Variants in SH2D4A observed in about 807,000 individuals in gnomAD.
SH2D4A encodes SH2 domain containing 4A, also known as SH2 domain-containing protein 4A.
SH2D4A carries 70 observed loss-of-function variants against 64.7 expected under a neutral mutation model. That is an observed-to-expected ratio of 1.08 (90% CI 0.89 to 1.32). The LOEUF is 1.32. Ranked by LOEUF, SH2D4A falls within the 40% of genes most tolerant of loss-of-function variation. The pLI, the probability that SH2D4A is intolerant of heterozygous loss-of-function variation, is 0.00. For synonymous variants in SH2D4A, 268 were observed against 200.7 expected, an observed-to-expected ratio of 1.34 and a Z score of -2.83; for missense variants, 706 against 540.1, an observed-to-expected ratio of 1.31 and a Z score of -3.04.
At chr8:19,376,129 T>C (rs2153650442) in intron 8 of SH2D4A, among the ~76,000 whole-genome samples, 1 of 152,160 alleles carries the variant, frequency 6.6e-6, no homozygotes, top group African/African-American at 2.4e-5. Context: ...GCTTGGTAAG[T>C]CCCAAATCTG....
At chr8:19,357,501 A>G (rs536572291) in intron 5 of SH2D4A, among the ~76,000 whole-genome samples, 9 of 152,340 alleles carry the variant, frequency 5.9e-5, no homozygotes, top group African/African-American at 2.2e-4. Flanking sequence ...AAGTTGTATT[A>G]GCTAAACTCC....
At chr8:19,353,683 T>TG (rs1334848325) in intron 4 of SH2D4A, among the ~76,000 whole-genome samples, 2 of 146,432 alleles carry the variant, frequency 1.4e-5, no homozygotes, top group African/African-American at 5.1e-5. Context: ...TGTTTTTTTT[T>TG]TTTTTTTTTT....
At chr8:19,347,360 C>G (rs1208178241) in intron 4 of SH2D4A, among the ~76,000 whole-genome samples, 1 of 152,176 alleles carries the variant, frequency 6.6e-6, no homozygotes, top group Non-Finnish European at 1.5e-5. Context: ...CCGACTCACC[C>G]TACCTAGGGG....
chr8:19,326,775 C>G (rs1026213452), intron 2 of SH2D4A, among the ~76,000 whole-genome samples: 6 of 152,218 alleles, frequency 3.9e-5, no homozygotes, highest in African/African-American at 1.4e-4. Context: ...GGGGTGGAGA[C>G]CAAGAGCTGA....
intron 8 of SH2D4A, among the ~76,000 whole-genome samples, chr8:19,374,241 G>A (rs559633553): frequency 3.3e-5 from 5 of 152,144 alleles, no homozygotes; most frequent in South Asian, 4.1e-4. Flanking sequence ...ATATCAGCTA[G>A]TAAACATTTT....
At chr8:19,378,704 G>A (rs1024604873) in intron 8 of SH2D4A, among the ~76,000 whole-genome samples, 1 of 151,998 alleles carries the variant, frequency 6.6e-6, no homozygotes, top group Non-Finnish European at 1.5e-5. Context: ...CCAAATGGCT[G>A]GGACAACCGT....
intron 4 of SH2D4A, among the ~76,000 whole-genome samples, chr8:19,338,776 C>G (rs770542769): frequency 2.6e-5 from 4 of 152,202 alleles, no homozygotes; most frequent in Non-Finnish European, 5.9e-5. Flanking sequence ...TGTTCATAAG[C>G]ACTGAGTTTA....
chr8:19,322,545 G>C lies in SH2D4A; in HGVS notation c.181+2817G>C, dbSNP rs566857764. On this transcript the variant is annotated intron_variant, in intron 2 of 9. Coordinates refer to ENST00000265807, the MANE Select transcript of SH2D4A (RefSeq NM_022071.4). The stretch of plus-strand genomic sequence containing the variant: ...TCACTACGAATACACAGACCCCTGT[G>C]CTTAGTGTTTGGGGATCATCACTAA... Among the ~76,000 whole-genome samples the C allele has an allele frequency of 3.3e-5, 5 of 151,558 alleles. No individual in the cohort carries two copies. In the South Asian group the frequency reaches 1.0e-3, roughly 32 times the overall value.
rs1314575916 is a variant in SH2D4A, at chr8:19,394,925, CAA to C, written c.*285_*286del. Reference sequence around the variant, plus strand: ...CCTTAATGATGTACATAAAATAAAACAAATGAAGAAATGGAAAACTTTTAGAA... The same window carrying C: ...CCTTAATGATGTACATAAAATAAAACATGAAGAAATGGAAAACTTTTAGAA... On this transcript the variant is annotated 3_prime_UTR_variant, in exon 10 of 10. Transcript: ENST00000265807. 4 of 243,518 alleles carry C rather than the reference CAA, an allele frequency of 1.6e-5. No homozygotes were observed. In the East Asian group the frequency reaches 3.1e-4, roughly 19 times the overall value. 15.1% of individuals were successfully genotyped at this position (243,518 alleles called of 1,614,324 possible).
At chr8:19,332,045 C>T (rs1274347061) in intron 2 of SH2D4A, among the ~76,000 whole-genome samples, 1 of 152,124 alleles carries the variant, frequency 6.6e-6, no homozygotes, top group Non-Finnish European at 1.5e-5. Flanking sequence ...TTCCTAACTA[C>T]TATGAGCTCA....
At chr8:19,339,283 T>A (rs1473034944) in intron 4 of SH2D4A, among the ~76,000 whole-genome samples, 1 of 152,190 alleles carries the variant, frequency 6.6e-6, no homozygotes, top group African/African-American at 2.4e-5. Context: ...TGAGGGTGGA[T>A]CTGCCTTTCC....
intron 4 of SH2D4A, among the ~76,000 whole-genome samples, chr8:19,345,596 G>T (rs2052600461): frequency 6.6e-6 from 1 of 152,160 alleles, no homozygotes; most frequent in Admixed American, 6.5e-5. Flanking sequence ...ATCCTGAGCT[G>T]GTTTTCACTA....
intron 2 of SH2D4A, among the ~76,000 whole-genome samples, chr8:19,326,338 G>A (rs953185225): frequency 6.6e-6 from 1 of 152,180 alleles, no homozygotes; most frequent in Non-Finnish European, 1.5e-5. Flanking sequence ...TCAGTTGAGG[G>A]GAACCGGGGT....
intron 1 of SH2D4A, chr8:19,314,181 A>C: frequency 1.2e-6 from 1 of 865,064 alleles, no homozygotes; most frequent in Non-Finnish European, 1.4e-6. Flanking sequence ...AAGTTCTGGA[A>C]TCCGGCAGGG....
At chr8:19,315,090 TTAC>T (rs1452984457) in intron 1 of SH2D4A, among the ~76,000 whole-genome samples, 1 of 113,728 alleles carries the variant, frequency 8.8e-6, no homozygotes, top group Non-Finnish European at 2.0e-5. Flanking sequence ...AAAACCGCAG[TTAC>T]TTTTTTTTTG....
chr8:19,325,717 ACTTT>A (rs1402408166), intron 2 of SH2D4A, among the ~76,000 whole-genome samples: 3 of 152,108 alleles, frequency 2.0e-5, no homozygotes, highest in Admixed American at 6.5e-5. Context: ...AGGTTCCCCA[ACTTT>A]CTTTCTCTCC....
chr8:19,369,140 T>G (rs1476464170), intron 7 of SH2D4A, among the ~76,000 whole-genome samples: 1 of 152,170 alleles, frequency 6.6e-6, no homozygotes, highest in Non-Finnish European at 1.5e-5. Context: ...GTTCATTGAT[T>G]CGTTTATGTT....
chr8:19,337,394 A>T (rs1376772777), intron 4 of SH2D4A, among the ~76,000 whole-genome samples: 1 of 152,182 alleles, frequency 6.6e-6, no homozygotes, highest in Non-Finnish European at 1.5e-5. Flanking sequence ...ATTTATGTCC[A>T]CCTAGAACCT....
At chr8:19,365,486 C>T (rs1366825618) in intron 7 of SH2D4A, among the ~76,000 whole-genome samples, 6 of 152,152 alleles carry the variant, frequency 3.9e-5, no homozygotes, top group South Asian at 2.1e-4. Flanking sequence ...CTTGTCTGTC[C>T]GCACGTTGGC....
Sources: gnomAD v4.1 joint callset for allele counts (sites outside exome capture counted in the v4.1 genomes callset) on GRCh38, gnomAD v4.1.1 for gene constraint, MANE v1.5 for transcripts, NCBI Gene and HGNC (gene_info 2026-07-23, HGNC 2026-07-21) for gene names.